CWH43: variants seen among roughly 807,000 people sequenced by gnomAD.
CWH43 encodes PGAP2-interacting protein.
In CWH43, 91 loss-of-function variants were observed where a neutral mutation model predicts 85.7. That is an observed-to-expected ratio of 1.06 (90% CI 0.90 to 1.26). The LOEUF (loss-of-function observed/expected upper bound fraction) is 1.26, where lower values mean the gene tolerates loss of function less well. Ranked by LOEUF, CWH43 falls within the 50% of genes most tolerant of loss-of-function variation. CWH43 has a pLI of 0.00. For missense variants in CWH43, 869 were observed against 839.2 expected, an observed-to-expected ratio of 1.04 and a Z score of -0.44; for synonymous variants, 323 against 293.6, an observed-to-expected ratio of 1.10 and a Z score of -1.02.
intron 8 of CWH43, 169 bp from the exon 9 acceptor site, chr4:49,017,080 A>T (rs902522804): frequency 2.7e-6 from 2 of 739,582 alleles, no homozygotes; most frequent in Admixed American, 2.0e-5. Context: ...TTCAGTGTCA[A>T]TGAGCTCCCC....
At chr4:48,997,805 A>G (rs1398183413) in intron 5 of CWH43, among the ~76,000 whole-genome samples, 2 of 152,228 alleles carry the variant, frequency 1.3e-5, no homozygotes, top group African/African-American at 4.8e-5. Flanking sequence ...ATTACAGGGG[A>G]AAATCTTAAA....
At chr4:49,001,943 T>C (rs1041044677) in intron 6 of CWH43, among the ~76,000 whole-genome samples, 7 of 152,182 alleles carry the variant, frequency 4.6e-5, no homozygotes, top group African/African-American at 1.7e-4. Flanking sequence ...TTTTCGACCT[T>C]AATTTGGTAA....
At chr4:49,004,963 A>C (rs1428711774) in intron 7 of CWH43, among the ~76,000 whole-genome samples, 1 of 152,216 alleles carries the variant, frequency 6.6e-6, no homozygotes, top group Admixed American at 6.5e-5. Flanking sequence ...GGCATACATA[A>C]ATCGAATGTT....
chr4:49,055,926 T>A (rs1784941454), intron 15 of CWH43, among the ~76,000 whole-genome samples: 1 of 150,358 alleles, frequency 6.7e-6, no homozygotes, highest in South Asian at 2.1e-4. Flanking sequence ...TTTTTTTTTT[T>A]TATTATACTC....
At chr4:49,041,728 C>A (rs575289705) in intron 13 of CWH43, among the ~76,000 whole-genome samples, 60 of 152,150 alleles carry the variant, frequency 3.9e-4, no homozygotes, top group Non-Finnish European at 6.3e-4. Context: ...CTTGTGGTTC[C>A]ATTTGACAAG....
intron 1 of CWH43, chr4:48,986,835 C>T: frequency 9.4e-7 from 1 of 1,060,072 alleles, no homozygotes. Flanking sequence ...TAACTTAATA[C>T]AGTTCAGTGC....
chr4:49,026,433 C>T (rs1368591032), intron 9 of CWH43, among the ~76,000 whole-genome samples: 1 of 152,166 alleles, frequency 6.6e-6, no homozygotes, highest in Non-Finnish European at 1.5e-5. Flanking sequence ...TGGTGTGGGT[C>T]TCCGTGTGCT....
rs1784003625 is a variant in CWH43 at position 49,028,876 on chromosome 4, T to C, written c.1372+142T>C. On this transcript the variant is annotated intron_variant, in intron 10 of 15. Transcript: ENST00000226432. ...GATGATCATAAACTCACCTCAAAAATGCTTTACTTTGGCACGCAGCTGCAG... is the reference window on the plus strand; with the variant it reads ...GATGATCATAAACTCACCTCAAAAACGCTTTACTTTGGCACGCAGCTGCAG... 5 of 584,222 alleles carry C rather than the reference T, an allele frequency of 8.6e-6. No individual in the cohort carries two copies. The Admixed American group carries it at 9.7e-5, about 11-fold the overall frequency. 36.2% of individuals were successfully genotyped at this position (584,222 alleles called of 1,614,324 possible).
chr4:49,035,414 A>T (rs952815651), intron 12 of CWH43, among the ~76,000 whole-genome samples: 13 of 152,222 alleles, frequency 8.5e-5, no homozygotes, highest in African/African-American at 3.1e-4. Flanking sequence ...TATTTTAGGT[A>T]ATTAACTGAG....
chr4:49,001,331 G>A (rs889883688), intron 6 of CWH43, among the ~76,000 whole-genome samples: 1 of 152,064 alleles, frequency 6.6e-6, no homozygotes, highest in Non-Finnish European at 1.5e-5. Flanking sequence ...AATTGTTATT[G>A]AAATAGTTAA....
chr4:48,988,335 G>A (rs1235270851), intron 1 of CWH43, 142 bp from the exon 2 acceptor site: 1 of 484,950 alleles, frequency 2.1e-6, no homozygotes, highest in Non-Finnish European at 3.5e-6. Flanking sequence ...TTCCATGTCA[G>A]TGGAGACAAC....
rs748532871 is a variant in CWH43 at position 49,030,895 on chromosome 4, G to A, written c.1443G>A (p.Met481Ile). The change falls in exon 11 of 16, where the codon ATG (methionine) becomes ATA (isoleucine). Residue 481 changes from methionine to isoleucine, a missense_variant. By Grantham distance (10) the Met-to-Ile change is conservative. This residue lies in a region of CWH43 where 577 missense variants were observed against 513.1 expected (regional missense o/e 1.12). Transcript: ENST00000226432. ...KPYMGNNDLT[M>I]WLGEKLGFYT... ...ATATGGGGAACAATGACTTAACCAT[G>A]TGGCTAGGGGAAAAGTTGGGTTTCT... The A allele has an allele frequency of 2.8e-5, 45 of 1,610,974 alleles. No individual in the cohort carries two copies. Among genetic ancestry groups the A allele is most frequent in the Non-Finnish European group, 2.5e-5 (29 of 1,178,848 alleles).
chr4:49,025,353 C>T (rs1783877960), intron 9 of CWH43, among the ~76,000 whole-genome samples: 1 of 151,886 alleles, frequency 6.6e-6, no homozygotes, highest in Admixed American at 6.6e-5. Context: ...CTTTTTCTGG[C>T]AATTCAGTGA....
intron 8 of CWH43, among the ~76,000 whole-genome samples, chr4:49,014,425 C>G (rs1178220720): frequency 1.4e-5 from 2 of 143,006 alleles, no homozygotes; most frequent in African/African-American, 5.5e-5. Context: ...TGCCACTGCA[C>G]TTCAGCATGG....
chr4:49,035,081 G>C (rs1317220130), intron 12 of CWH43, among the ~76,000 whole-genome samples: 1 of 152,104 alleles, frequency 6.6e-6, no homozygotes, highest in Admixed American at 6.6e-5. Context: ...CTCCCAACAA[G>C]CGACATAGGA....
intron 1 of CWH43, 53 bp downstream of exon 1, chr4:48,986,525 G>A (rs1782500447): frequency 3.2e-6 from 5 of 1,547,912 alleles, no homozygotes; most frequent in Non-Finnish European, 4.4e-6. Context: ...CCCGGGCCAT[G>A]TCCAGAGCCG....
chr4:49,000,348 A>G (rs1286764782), intron 6 of CWH43, among the ~76,000 whole-genome samples: 1 of 152,158 alleles, frequency 6.6e-6, no homozygotes, highest in Admixed American at 6.6e-5. Flanking sequence ...AGCTATGTGA[A>G]CATACTGTTG....
In CWH43 at chr4:48,997,037, T is replaced by A. The variant is rs137867161; in HGVS notation, c.714-1423T>A. On this transcript the variant is annotated intron_variant, in intron 5 of 15. Transcript: ENST00000226432. ...CTTTCTTTGTGCTTCACAATGCACA[T>A]CAGCATATTAGAGACTTTTGCAGGT... 1.9e-3 allele frequency among the ~76,000 whole-genome samples: 290 copies of A among 152,298 alleles called. 1 individual carries two copies. The highest frequency in any genetic ancestry group is 6.8e-3 in the African/African-American group (281 of 41,556).
intron 6 of CWH43, among the ~76,000 whole-genome samples, chr4:49,000,107 A>G (rs897555540): frequency 1.3e-5 from 2 of 152,004 alleles, no homozygotes; most frequent in South Asian, 2.1e-4. Context: ...GGTTTATGTG[A>G]GGAGAGATGA....
Sources: gnomAD v4.1 joint callset for allele counts (sites outside exome capture counted in the v4.1 genomes callset) on GRCh38, gnomAD v4.1.1 for gene constraint, gnomAD v4.1.1 regional missense constraint, MANE v1.5 for transcripts, NCBI Gene and HGNC (gene_info 2026-07-23, HGNC 2026-07-21) for gene names.